FBF1: variants seen among roughly 807,000 people sequenced by gnomAD.
FBF1 encodes the protein Fas binding factor 1.
In FBF1, 119 loss-of-function variants were observed where a neutral mutation model predicts 147.2. The ratio of observed to expected loss-of-function variants is 0.81; its 90% CI spans 0.70 to 0.94. The LOEUF (loss-of-function observed/expected upper bound fraction) is 0.94, where lower values mean the gene tolerates loss of function less well. Among genes scored for constraint, FBF1 ranks in the 40% least tolerant of loss-of-function variants. The probability of loss-of-function intolerance (pLI) is 0.00; values close to 1 mark genes in which losing one functional copy is unlikely to be tolerated. For missense variants in FBF1, 1,449 were observed against 1,500.8 expected (o/e 0.97, Z 0.57); for synonymous variants, 601 against 609.0 (o/e 0.99, Z 0.19).
Position 75,913,713 on chromosome 17 carries a change from G to C in FBF1, c.3236C>G (p.Ser1079Cys). 1.9e-6 allele frequency: 3 copies of C among 1,596,080 alleles called. No homozygotes were observed. The highest frequency in any genetic ancestry group is 2.5e-6 in the Non-Finnish European group (3 of 1,178,106). ...CTGGAGCCACTCACCACTCTGGCTG[G>C]AGGCTGCAGGGCCCTGGGCCCTGGG... Reference protein sequence around the residue: ...LFPRAQGPAASSQSALMPPAP... With the variant: ...LFPRAQGPAACSQSALMPPAP... Residue 1079 changes from serine (S) to cysteine (C), a missense_variant, in exon 28 of 30, where the codon TCC becomes TGC. Ser to Cys is a moderately radical substitution (Grantham distance 112). Transcript: ENST00000636174.
rs1489723391 is a variant in FBF1 at position 75,914,655 on chromosome 17, C to T, written c.2814+92G>A. On this transcript the variant is annotated intron_variant, in intron 25 of 29. Coordinates refer to ENST00000636174, the MANE Select transcript of FBF1 (RefSeq NM_001319193.2). The stretch of plus-strand genomic sequence containing the variant: ...ATGCTCTTGTGACATTAGTGCTACA[C>T]TCTCCTTTCCTAAGACTGGAAGCGG... 1.2e-5 allele frequency: 16 copies of T among 1,327,754 alleles called. No homozygotes were observed. In the East Asian group the frequency reaches 3.8e-4, roughly 32 times the overall value. 82.2% of individuals were successfully genotyped at this position (1,327,754 alleles called of 1,614,324 possible).
In FBF1 at chr17:75,925,362, C is replaced by T. The variant is rs190439091; in HGVS notation, c.953G>A (p.Arg318His). 2,801 of 1,612,914 alleles carry T rather than the reference C, an allele frequency of 1.7e-3. 3 individuals are homozygous for T. Among genetic ancestry groups the T allele is most frequent in the Non-Finnish European group, 2.2e-3 (2,593 of 1,179,572 alleles). The change falls in exon 13 of 30, where the codon CGC becomes CAC. Residue 318 changes from arginine to histidine, a missense_variant. Physicochemically the swap from Arg to His is conservative, Grantham distance 29. Transcript: ENST00000636174. This position sits in a 1 kb window ranked among gnomAD's most constrained non-coding sequence, Gnocchi z 5.0. ...CCCCACTTACCTGACAGACTGCCGG[C>T]GGGACTGCCGGCCCTCAGAGGAGAC... ...TVVSSEGRQS[R>H]RQSVSRFFAD...
Position 75,914,383 on chromosome 17 carries a change from C to A in FBF1, c.2815-85G>T. 4.7e-6 allele frequency: 7 copies of A among 1,478,358 alleles called. No individual in the cohort carries two copies. In the South Asian group the frequency reaches 9.1e-5, roughly 19 times the overall value. 91.6% of individuals were successfully genotyped at this position (1,478,358 alleles called of 1,614,324 possible). ...AGGACTCTAGGGTCCCCTCTGCCCA[C>A]CCTGCCCCTGGGAGGAGGTGGTGGA... On this transcript the variant is annotated intron_variant, in intron 25 of 29. Coordinates refer to ENST00000636174, the MANE Select transcript of FBF1 (RefSeq NM_001319193.2).
chr17:75,912,346 G>C, intron 28 of FBF1, 39 bp from the exon 29 acceptor site: 1 of 1,479,192 alleles, frequency 6.8e-7, no homozygotes. Flanking sequence ...CCAAAGTGTT[G>C]GTGGAAATAC....
In FBF1 at chr17:75,925,199, T is replaced by C; in HGVS notation, c.968+148A>G. On this transcript the variant is annotated intron_variant, in intron 13 of 29. Transcript: ENST00000636174. This position sits in a 1 kb window ranked among gnomAD's most constrained non-coding sequence, Gnocchi z 5.0. Reference sequence around the variant, plus strand: ...CTGGCGGGACCAGGCCATCTCCCGCTTCCTTCAGCACCTGCAGAGCTGAGG... The same window carrying C: ...CTGGCGGGACCAGGCCATCTCCCGCCTCCTTCAGCACCTGCAGAGCTGAGG... 1 of 561,842 alleles carries C rather than the reference T, an allele frequency of 1.8e-6. No homozygotes were observed. The highest frequency in any genetic ancestry group is 3.1e-5 in the East Asian group (1 of 31,952). The allele number at this position is 561,842 out of a possible 1,614,324, so 34.8% of individuals were successfully genotyped here. A position where few individuals can be genotyped will look rare whatever the true frequency, so the allele number is the denominator to read the frequency against.
chr17:75,922,046 G>A lies in FBF1; in HGVS notation c.1425C>T (p.Ser475=). 1 of 1,551,880 alleles carries A rather than the reference G, an allele frequency of 6.4e-7. No homozygotes were observed. The highest frequency in any genetic ancestry group is 8.7e-7 in the Non-Finnish European group (1 of 1,146,992). ...GCCCTTGTGTGCTGGTGAGAGGTTG[G>A]CTGAGGAAAGGCAGCGTTCAAGGTG... ...AGTAGHPPSG[S]QPLTSTQGLE... The change falls in exon 15 of 30, where the codon AGC becomes AGT. Residue 475 remains serine, a splice_region_variant and synonymous_variant. Transcript: ENST00000636174. This position sits in a 1 kb window ranked among gnomAD's most constrained non-coding sequence, Gnocchi z 5.0.
Position 75,910,862 on chromosome 17 carries a change from G to T in FBF1, c.3364-56C>A. The T allele has an allele frequency of 2.8e-6, 4 of 1,453,094 alleles. No individual in the cohort carries two copies. Among genetic ancestry groups the T allele is most frequent in the East Asian group, 4.8e-5 (2 of 41,282 alleles). The allele number at this position is 1,453,094 out of a possible 1,614,324, so 90.0% of individuals were successfully genotyped here. ...TTCCCTGAGCTGAGAGGGAGGTGGA[G>T]CCCTGGATGCTAGCTGAGCCAGCCG... On this transcript the variant is annotated intron_variant, in intron 29 of 29. Coordinates refer to ENST00000636174, the MANE Select transcript of FBF1 (RefSeq NM_001319193.2). The surrounding 1 kb of genome is among the most constrained non-coding windows in gnomAD (Gnocchi z 4.1).
rs1197313831 is a variant in FBF1, at chr17:75,928,171, T to C, written c.302A>G (p.Asp101Gly). ...ATTAGATTTCTTCAGACCTAAGATA[T>C]CAGCATCCATGCCGTCCAGGTCCTA... ...AMKDLDGMDA[D>G]ILGLKKSNSA... is the part of the protein sequence containing the mutation. Residue 101 changes from aspartate (D) to glycine (G), a missense_variant, in exon 8 of 30, where the codon GAT (aspartate) becomes GGT (glycine). By Grantham distance (94) the Asp-to-Gly change is moderately conservative. Transcript: ENST00000636174. This position sits in a 1 kb window ranked among gnomAD's most constrained non-coding sequence, Gnocchi z 4.2. The C allele has an allele frequency of 1.2e-6, 2 of 1,613,828 alleles. No individual in the cohort carries two copies. Among genetic ancestry groups the C allele is most frequent in the Non-Finnish European group, 1.7e-6 (2 of 1,179,856 alleles).
At chr17:75,938,808 G>C (rs923292110) in intron 1 of FBF1, among the ~76,000 whole-genome samples, 4 of 151,404 alleles carry the variant, frequency 2.6e-5, no homozygotes, top group African/African-American at 9.7e-5. Context: ...GGAGGTTGCA[G>C]TGAGCTGAGA....
At chr17:75,933,161 G>A in intron 4 of FBF1, 73 bp from the exon 5 acceptor site, 2 of 1,191,166 alleles carry the variant, frequency 1.7e-6, no homozygotes, top group Non-Finnish European at 2.4e-6. Flanking sequence ...AGGCTGGCAA[G>A]CTCCCTTCCC....
chr17:75,928,053 T>A lies in FBF1; in HGVS notation c.397+23A>T, dbSNP rs573350297. 6.3e-7 allele frequency: 1 copy of A among 1,597,178 alleles called. No individual in the cohort carries two copies. The highest frequency in any genetic ancestry group is 2.2e-5 in the East Asian group (1 of 44,798). ...TGCGAGGAGCCGTCTCCCATGCACC[T>A]TTCTCACTGGCTACTGACCCACCTG... On this transcript the variant is annotated intron_variant, in intron 8 of 29. Transcript: ENST00000636174. This position sits in a 1 kb window ranked among gnomAD's most constrained non-coding sequence, Gnocchi z 4.2.
Position 75,923,633 on chromosome 17 carries a change from A to AAG in FBF1, c.975_976dup (p.Phe326SerfsTer114). 6.2e-7 allele frequency: 1 copy of AAG among 1,601,876 alleles called. No homozygotes were observed. The highest frequency in any genetic ancestry group is 8.5e-7 in the Non-Finnish European group (1 of 1,174,128). On this transcript the variant is annotated frameshift_variant, in exon 14 of 30. Transcript: ENST00000636174. LOFTEE classifies it high-confidence loss of function. This position sits in a 1 kb window ranked among gnomAD's most constrained non-coding sequence, Gnocchi z 4.1. The stretch of plus-strand genomic sequence containing the variant: ...CTTGGGGTCTGCGCCACTGTCTGCG[A>AAG]AGAACCTACTTCAAGACAGAAAGGA...
Position 75,918,637 on chromosome 17 carries a change from A to G in FBF1, c.2139-368T>C, listed in dbSNP as rs1049575878. The stretch of plus-strand genomic sequence containing the variant: ...CTCAGCCTCCCGAGTGGCTGGGACT[A>G]TAGGCGCTCACCACGCCTAATTTTT... On this transcript the variant is annotated intron_variant, in intron 20 of 29. Coordinates refer to ENST00000636174, the MANE Select transcript of FBF1 (RefSeq NM_001319193.2). The surrounding 1 kb of genome is among the most constrained non-coding windows in gnomAD (Gnocchi z 5.8). Among the ~76,000 whole-genome samples, 1 of 151,622 alleles carries G rather than the reference A, an allele frequency of 6.6e-6. No individual in the cohort carries two copies. The highest frequency in any genetic ancestry group is 1.5e-5 in the Non-Finnish European group (1 of 67,898).
intron 7 of FBF1, 47 bp downstream of exon 7, chr17:75,929,950 A>ACCCCCC (rs1598159914): frequency 4.7e-5 from 10 of 214,744 alleles, no homozygotes; most frequent in East Asian, 1.4e-4. Flanking sequence ...TCATGACCCC[A>ACCCCCC]CCCCACCCAC....
intron 6 of FBF1, 198 bp from the exon 7 acceptor site, chr17:75,930,245 T>C (rs1248881572): frequency 3.4e-6 from 2 of 591,804 alleles, no homozygotes; most frequent in African/African-American, 3.7e-5. Context: ...CAAACCTGCC[T>C]GGTTTTAGAG....
intron 7 of FBF1, 43 bp downstream of exon 7, chr17:75,929,954 C>T (rs1567863031): frequency 2.4e-6 from 2 of 824,102 alleles, no homozygotes; most frequent in East Asian, 2.7e-5. Flanking sequence ...GACCCCACCC[C>T]ACCCACCCCC....
intron 4 of FBF1, 125 bp downstream of exon 4, chr17:75,935,507 C>G (rs2065618934): frequency 1.0e-6 from 1 of 982,932 alleles, no homozygotes; most frequent in East Asian, 2.7e-5. Flanking sequence ...AATCCCAGCA[C>G]TTTGGTTTAG....
At chr17:75,921,153 C>G (rs892967142) in intron 17 of FBF1, 91 bp downstream of exon 17, 2 of 1,316,340 alleles carry the variant, frequency 1.5e-6, no homozygotes, top group Non-Finnish European at 2.1e-6. Flanking sequence ...TTTTTCCTGG[C>G]AGGTCGTCAG....
At position 75,927,498 on chromosome 17, in the gene FBF1, AGACGGAAGT is replaced by A. The variant is rs541111039; in HGVS notation, c.423_431del (p.Leu142_Ser144del). The A allele has an allele frequency of 2.4e-4, 380 of 1,604,648 alleles. 1 individual carries two copies. The East Asian group carries it at 7.7e-3, about 33-fold the overall frequency. ...TGTTCTGATGCCCAGAGCTGCTGGGAGACGGAAGTGACTTCTTGGTGGGAATGGCACCCC... is the reference window on the plus strand; with the variant it reads ...TGTTCTGATGCCCAGAGCTGCTGGGAGACTTCTTGGTGGGAATGGCACCCC... On this transcript the variant is annotated inframe_deletion, in exon 9 of 30. Transcript: ENST00000636174.
Sources: allele counts gnomAD v4.1 joint callset (sites outside exome capture counted in the v4.1 genomes callset), GRCh38; gene constraint gnomAD v4.1.1; non-coding constraint Gnocchi (gnomAD v3.1); transcripts MANE v1.5; gene names NCBI Gene and HGNC (gene_info 2026-07-23, HGNC 2026-07-21).